NBPF8: variants seen among roughly 807,000 people sequenced by gnomAD.
NBPF8 encodes the protein NBPF family member NBPF8.
At chr1:120,421,098 C>T (rs1367720323) in intron 1 of NBPF8, among the ~76,000 whole-genome samples, 1 of 151,158 alleles carries the variant, frequency 6.6e-6, no homozygotes, top group Non-Finnish European at 1.5e-5. Context: ...GTTCTGGGAT[C>T]CACTGTCTCA....
At chr1:120,459,640 G>A in intron 17 of NBPF8, 110 bp downstream of exon 15, 3 of 1,206,908 alleles carry the variant, frequency 2.5e-6, no homozygotes, top group South Asian at 2.3e-5. Flanking sequence ...ATCACTGTGG[G>A]CTGAACCTAT....
rs1191264099 is a variant in NBPF8, at chr1:120,449,187, C to A, written n.1762-6C>A. 1.6e-6 allele frequency: 2 copies of A among 1,238,946 alleles called. No homozygotes were observed. 76.7% of individuals were successfully genotyped at this position (1,238,946 alleles called of 1,614,324 possible). On this transcript the variant is annotated splice_polypyrimidine_tract_variant and splice_region_variant and intron_variant and non_coding_transcript_variant, in intron 10 of 24. Transcript: ENST00000583271. ...CCCATCATGTGTTTGCCTTTCTTCT[C>A]CCCAGTCCCTGGCCCCACCTCTTCT...
intron 3 of NBPF8, among the ~76,000 whole-genome samples, chr1:120,430,776 G>T (rs1189204000): frequency 1.4e-5 from 2 of 141,044 alleles, no homozygotes; most frequent in East Asian, 4.1e-4. Flanking sequence ...AAAAAAAAAG[G>T]AAAGTCAACA....
At chr1:120,421,877 G>A (rs1443729052) in intron 1 of NBPF8, among the ~76,000 whole-genome samples, 7 of 151,952 alleles carry the variant, frequency 4.6e-5, no homozygotes, top group Admixed American at 3.9e-4. Context: ...AGATGACTGA[G>A]GCTGCTTCTG....
rs1553249365 is a variant in NBPF8 at position 120,454,050 on chromosome 1, C to T, written n.2504C>T. On this transcript the variant is annotated non_coding_transcript_exon_variant, in exon 15 of 25. Transcript: ENST00000583271. ...AAATCACATTTGAGGAAGACAAAGT[C>T]GACTCAGCTCTCATTGGCTCATCCT... is the stretch of plus-strand genomic sequence containing the variant. 297 of 1,613,140 alleles carry T rather than the reference C, an allele frequency of 1.8e-4. 1 individual carries two copies. Among genetic ancestry groups the T allele is most frequent in the East Asian group, 6.0e-4 (27 of 44,902 alleles).
At chr1:120,434,712 A>G (rs2101603593), upstream of NBPF8, among the ~76,000 whole-genome samples, 1 of 147,644 alleles carries the variant, frequency 6.8e-6, no homozygotes, top group East Asian at 1.9e-4. Flanking sequence ...TTGTTGTTTT[A>G]AAAAGTTAAT....
chr1:120,418,839 C>T (rs1660495945), upstream of NBPF8, among the ~76,000 whole-genome samples: 1 of 151,162 alleles, frequency 6.6e-6, no homozygotes, highest in Non-Finnish European at 1.5e-5. Context: ...TAAGCCATCA[C>T]CGCTGGCCAT....
chr1:120,460,335 C>T (rs1388578441), intron 17 of NBPF8, among the ~76,000 whole-genome samples: 1 of 152,096 alleles, frequency 6.6e-6, no homozygotes, highest in Non-Finnish European at 1.5e-5. Context: ...AAACCTAGGA[C>T]AGAGCACATA....
At position 120,427,831 on chromosome 1, in the gene NBPF8, T is replaced by C. The variant is rs1442336416; in HGVS notation, n.494T>C. On this transcript the variant is annotated non_coding_transcript_exon_variant, in exon 3 of 29. An upstream open reading frame in the 5' UTR loses its in-frame stop. Coordinates refer to the NBPF8 transcript ENST00000652355. ...AGCAGCCGCCAGTTGGGATCAAATG[T>C]GAGCCTATGGATCAAGGTGCGTACT... 6.9e-6 allele frequency among the ~76,000 whole-genome samples: 1 copy of C among 145,576 alleles called. No individual in the cohort carries two copies. Among genetic ancestry groups the C allele is most frequent in the Non-Finnish European group, 1.5e-5 (1 of 66,680 alleles).
At chr1:120,454,442 C>T (rs1661376983) in intron 15 of NBPF8, among the ~76,000 whole-genome samples, 1 of 151,918 alleles carries the variant, frequency 6.6e-6, no homozygotes, top group Non-Finnish European at 1.5e-5. Context: ...TGAACAATGT[C>T]CATGGAGTTT....
chr1:120,422,559 A>G (rs1376729532), intron 1 of NBPF8, among the ~76,000 whole-genome samples: 1 of 127,858 alleles, frequency 7.8e-6, no homozygotes, highest in Non-Finnish European at 1.6e-5. Flanking sequence ...TCATGACTTG[A>G]CAGCTTGTTT....
At chr1:120,424,366 A>G (rs1660651177) in intron 1 of NBPF8, among the ~76,000 whole-genome samples, 1 of 151,788 alleles carries the variant, frequency 6.6e-6, no homozygotes, top group Non-Finnish European at 1.5e-5. Flanking sequence ...CAAGAAAAGG[A>G]ATTTTTTAAA....
chr1:120,452,236 C>T lies in NBPF8; in HGVS notation n.2194C>T, dbSNP rs1553248987. The T allele has an allele frequency of 5.2e-3, 6,628 of 1,269,744 alleles. 44 individuals carry two copies. Among genetic ancestry groups the T allele is most frequent in the Admixed American group, 5.6e-3 (324 of 58,276 alleles). 78.7% of individuals were successfully genotyped at this position (1,269,744 alleles called of 1,614,324 possible). On this transcript the variant is annotated non_coding_transcript_exon_variant, in exon 13 of 25. Coordinates refer to ENST00000583271, the Ensembl canonical transcript of NBPF8. The stretch of plus-strand genomic sequence containing the variant: ...GAGCATCTCCAGGCCCTCCTCACTC[C>T]GGATGAGCCGGACAAGTCCCAGGGG...
At chr1:120,425,291 C>T (rs1380347786) in intron 1 of NBPF8, among the ~76,000 whole-genome samples, 20 of 151,774 alleles carry the variant, frequency 1.3e-4, no homozygotes, top group Admixed American at 2.6e-4. Context: ...GGTGTAAAGC[C>T]CGATTGTATA....
At chr1:120,452,498 A>T (rs1553249077) in intron 13 of NBPF8, among the ~76,000 whole-genome samples, 167 bp downstream of exon 11, 1 of 151,870 alleles carries the variant, frequency 6.6e-6, no homozygotes, top group East Asian at 1.9e-4. Context: ...TGGGAAACCC[A>T]TGGGGTTGGA....
At chr1:120,418,883 T>C (rs1268961772), upstream of NBPF8, among the ~76,000 whole-genome samples, 1 of 151,894 alleles carries the variant, frequency 6.6e-6, no homozygotes, top group African/African-American at 2.4e-5. Context: ...TTTTCTAATT[T>C]AAAAGATTTA....
At chr1:120,466,376 A>T (rs1661751962) in exon 25 of NBPF8, 1 of 1,139,568 alleles carries the variant, frequency 8.8e-7, no homozygotes, top group African/African-American at 1.6e-5. Context: ...GCCAGTGGCA[A>T]CCTGTGCTCA....
At chr1:120,452,748 C>G in intron 13 of NBPF8, among the ~76,000 whole-genome samples, 1 of 152,308 alleles carries the variant, frequency 6.6e-6, no homozygotes, top group East Asian at 1.9e-4. Context: ...CCGTGGCAGA[C>G]AAATTGTCTC....
At chr1:120,465,282 G>C (rs1395414568) in exon 24 of NBPF8, 2 of 666,192 alleles carry the variant, frequency 3.0e-6, no homozygotes, top group East Asian at 2.5e-5. Context: ...AGAAGGGGAA[G>C]GGGAAGATAA....
Sources: gnomAD v4.1 joint callset for allele counts (sites outside exome capture counted in the v4.1 genomes callset) on GRCh38, gnomAD v4.1.1 for gene constraint, MANE v1.5 for transcripts, NCBI Gene and HGNC (gene_info 2026-07-23, HGNC 2026-07-21) for gene names.